Variants in ELK3 observed in about 807,000 individuals in gnomAD.
ELK3 encodes ETS transcription factor ELK3.
A neutral mutation model predicts 28.9 loss-of-function variants in ELK3; 10 were observed. The observed-to-expected ratio is 0.35, with a 90% CI of 0.21 to 0.59. The LOEUF (loss-of-function observed/expected upper bound fraction) is 0.59, where lower values mean the gene tolerates loss of function less well. Among genes scored for constraint, ELK3 ranks in the 20% least tolerant of loss-of-function variants. The pLI, the probability that ELK3 is intolerant of heterozygous loss-of-function variation, is 0.82. For missense variants in ELK3, 463 were observed against 517.3 expected, an observed-to-expected ratio of 0.90 and a Z score of 1.02; for synonymous variants, 272 against 243.5, an observed-to-expected ratio of 1.12 and a Z score of -1.09.
At chr12:96,246,861 G>A (rs1384171863) in intron 2 of ELK3, 79 bp from the exon 3 acceptor site, 6 of 1,433,470 alleles carry the variant, frequency 4.2e-6, no homozygotes, top group South Asian at 1.4e-5. Context: ...TTCTGCCAGC[G>A]ACATTTACCA....
chr12:96,194,554 G>C lies in ELK3; in HGVS notation c.-154G>C, dbSNP rs1461239177. The C allele has an allele frequency of 1.3e-5, 2 of 150,118 alleles. No individual in the cohort carries two copies. Among genetic ancestry groups the C allele is most frequent in the Non-Finnish European group, 3.0e-5 (2 of 67,416 alleles). 9.3% of individuals were successfully genotyped at this position (150,118 alleles called of 1,614,324 possible). On this transcript the variant is annotated 5_prime_UTR_variant, in exon 1 of 5. Transcript: ENST00000228741. ...ACACACACCAGAGGGGAAAAAAAAA[G>C]AGGAGCGAGAGAAAGAAAAAAAGGG...
intron 1 of ELK3, among the ~76,000 whole-genome samples, chr12:96,218,648 ATTTT>A (rs144305445): frequency 1.5e-5 from 2 of 131,090 alleles, no homozygotes; most frequent in Non-Finnish European, 1.6e-5. Flanking sequence ...AAAGATAAGC[ATTTT>A]TTTTTTTTTT....
intron 1 of ELK3, among the ~76,000 whole-genome samples, chr12:96,210,453 T>G (rs552658665): frequency 6.6e-6 from 1 of 152,156 alleles, no homozygotes; most frequent in Non-Finnish European, 1.5e-5. Context: ...TTCTCATGAT[T>G]CGTTTCGTGA....
chr12:96,236,555 T>C (rs994729441), intron 2 of ELK3, among the ~76,000 whole-genome samples: 3 of 152,190 alleles, frequency 2.0e-5, no homozygotes, highest in African/African-American at 7.2e-5. Context: ...CACGTCATTC[T>C]TAGAAGTCTG....
At chr12:96,261,861 C>T (rs1407761004) in intron 4 of ELK3, among the ~76,000 whole-genome samples, 3 of 152,080 alleles carry the variant, frequency 2.0e-5, no homozygotes, top group African/African-American at 7.2e-5. Flanking sequence ...TACGTGCATC[C>T]GCTCGTTTCT....
chr12:96,246,477 A>G (rs1451666921), intron 2 of ELK3, among the ~76,000 whole-genome samples: 1 of 152,158 alleles, frequency 6.6e-6, no homozygotes, highest in Non-Finnish European at 1.5e-5. Flanking sequence ...CAACCAAGTG[A>G]GATGCTGTCT....
intron 2 of ELK3, among the ~76,000 whole-genome samples, chr12:96,245,547 C>A (rs372502254): frequency 5.9e-5 from 9 of 152,208 alleles, no homozygotes; most frequent in East Asian, 5.8e-4. Context: ...TTCTAAAGCT[C>A]TTCTACTTGA....
At chr12:96,266,831 A>AT (rs1329564308) in intron 4 of ELK3, among the ~76,000 whole-genome samples, 2 of 152,130 alleles carry the variant, frequency 1.3e-5, no homozygotes, top group Middle Eastern at 3.2e-3. Context: ...TAAATTATAT[A>AT]TTTTTTCCTA....
intron 1 of ELK3, among the ~76,000 whole-genome samples, 189 bp downstream of exon 1, chr12:96,194,894 G>GGATGCTCCTGCGCCCGCGTCGCT (rs1951451227): frequency 6.8e-6 from 1 of 146,794 alleles, no homozygotes; most frequent in Non-Finnish European, 1.5e-5. Context: ...GGGGCGCCGC[G>GGATGCTCCTGCGCCCGCGTCGCT]GATGCTCCTG....
intron 1 of ELK3, among the ~76,000 whole-genome samples, chr12:96,199,718 G>A (rs1463618937): frequency 6.6e-6 from 1 of 151,968 alleles, no homozygotes; most frequent in Non-Finnish European, 1.5e-5. Context: ...ATTGTGATTT[G>A]GTTTGAATTC....
At chr12:96,227,730 G>A (rs1481869323) in intron 2 of ELK3, among the ~76,000 whole-genome samples, 1 of 152,234 alleles carries the variant, frequency 6.6e-6, no homozygotes. Flanking sequence ...ATAATAACGA[G>A]GTAGTTACAG....
In ELK3 at chr12:96,218,715, C is replaced by A. The variant is rs368550330; in HGVS notation, c.-2-4850C>A. Among the ~76,000 whole-genome samples the A allele has an allele frequency of 2.7e-5, 4 of 147,082 alleles. No individual in the cohort carries two copies. The East Asian group carries it at 8.0e-4, about 29-fold the overall frequency. ...CTAGGCTGGAGTGTAGTGGCGCGAT[C>A]TTGCCTCACTGCAAGCTCCACCTCC... On this transcript the variant is annotated intron_variant, in intron 1 of 4. Coordinates refer to ENST00000228741, the MANE Select transcript of ELK3 (RefSeq NM_005230.4).
chr12:96,212,708 G>C (rs1167195500), intron 1 of ELK3: 5 of 152,124 alleles, frequency 3.3e-5, no homozygotes, highest in Admixed American at 6.5e-5. Flanking sequence ...TAAAATTTTT[G>C]TCTGATGTTT....
chr12:96,217,311 C>T (rs1236852589), intron 1 of ELK3, among the ~76,000 whole-genome samples: 2 of 152,176 alleles, frequency 1.3e-5, no homozygotes, highest in South Asian at 2.1e-4. Context: ...AGACTCCCTC[C>T]GGATGATGTG....
At chr12:96,206,224 T>C (rs1951537303) in intron 1 of ELK3, among the ~76,000 whole-genome samples, 1 of 152,218 alleles carries the variant, frequency 6.6e-6, no homozygotes, top group African/African-American at 2.4e-5. Flanking sequence ...AAAACCTTGA[T>C]GTAGATCAGA....
At chr12:96,208,177 G>C (rs1395769251) in intron 1 of ELK3, among the ~76,000 whole-genome samples, 1 of 152,138 alleles carries the variant, frequency 6.6e-6, no homozygotes, top group African/African-American at 2.4e-5. Context: ...TCAGCCTCCT[G>C]AGTAGTTGGG....
chr12:96,242,043 C>G (rs1292361332), intron 2 of ELK3, among the ~76,000 whole-genome samples: 1 of 152,242 alleles, frequency 6.6e-6, no homozygotes, highest in Non-Finnish European at 1.5e-5. Flanking sequence ...GCTGGAGATG[C>G]ACTCAGCTCC....
rs772354407 is a variant in ELK3 at position 96,201,111 on chromosome 12, C to G, written c.-3+6406C>G. Among the ~76,000 whole-genome samples, 3 of 152,276 alleles carry G rather than the reference C, an allele frequency of 2.0e-5. No individual in the cohort carries two copies. The East Asian group carries it at 5.8e-4, about 29-fold the overall frequency. ...AAAATATTGTGGTATTTTATTTAAT[C>G]TGCTTAGTTAAAAATAAATCAGAAT... On this transcript the variant is annotated intron_variant, in intron 1 of 4. Transcript: ENST00000228741.
intron 2 of ELK3, among the ~76,000 whole-genome samples, chr12:96,227,234 C>T (rs4762140): frequency 0.19 from 29,335 of 151,928 alleles, 3,514 homozygotes; most frequent in Middle Eastern, 0.33. Flanking sequence ...TTTTAGTGTT[C>T]TCTTCCTTCT....
Sources: allele counts gnomAD v4.1 joint callset (sites outside exome capture counted in the v4.1 genomes callset), GRCh38; gene constraint gnomAD v4.1.1; transcripts MANE v1.5; gene names NCBI Gene and HGNC (gene_info 2026-07-23, HGNC 2026-07-21).